TENM2: variants seen among roughly 807,000 people sequenced by gnomAD.
TENM2 encodes teneurin-2.
In TENM2, 52 loss-of-function variants were observed where a neutral mutation model predicts 245.2. The ratio of observed to expected loss-of-function variants is 0.21; its 90% confidence interval spans 0.17 to 0.27. The LOEUF (loss-of-function observed/expected upper bound fraction) is 0.27, where lower values mean the gene tolerates loss of function less well. TENM2 is among the 10% of genes least tolerant of loss of function. TENM2 has a pLI of 1.00. For missense variants in TENM2, 3,046 were observed against 3,666.8 expected, an observed-to-expected ratio of 0.83 and a Z score of 4.37; for synonymous variants, 1,363 against 1,438.9, an observed-to-expected ratio of 0.95 and a Z score of 1.19.
Position 167,445,628 on chromosome 5 carries a change from A to T in TENM2, c.502+70155A>T, listed in dbSNP as rs534143800. Among the ~76,000 whole-genome samples the T allele has an allele frequency of 3.9e-5, 6 of 152,260 alleles. No homozygotes were observed. The South Asian group carries it at 1.2e-3, about 32-fold the overall frequency. ...ACAATATCAGTCTCACCTATGAGAA[A>T]GCTAAAAGGTTGAGTCACAACCCTA... On this transcript the variant is annotated intron_variant, in intron 2 of 28. Coordinates refer to ENST00000518659, the Ensembl canonical transcript of TENM2.
intron 2 of TENM2, among the ~76,000 whole-genome samples, chr5:167,651,667 G>A (rs541433409): frequency 3.4e-4 from 52 of 152,278 alleles, no homozygotes; most frequent in African/African-American, 1.3e-3. Context: ...GGTAGAATGG[G>A]AATATCACTC....
At chr5:167,725,439 T>G (rs1221384103) in intron 2 of TENM2, among the ~76,000 whole-genome samples, 1 of 152,218 alleles carries the variant, frequency 6.6e-6, no homozygotes, top group African/African-American at 2.4e-5. Flanking sequence ...TGGCATATTT[T>G]TCTCCTAGCA....
At chr5:168,253,144 TTTTTA>T (rs1035943410) in intron 27 of TENM2, among the ~76,000 whole-genome samples, 11 of 151,912 alleles carry the variant, frequency 7.2e-5, no homozygotes, top group African/African-American at 2.7e-4. Flanking sequence ...TTTTTTTGTA[TTTTTA>T]GTAGAGATGG....
At chr5:167,677,753 TATG>T (rs1222765467) in intron 2 of TENM2, among the ~76,000 whole-genome samples, 11 of 149,288 alleles carry the variant, frequency 7.4e-5, no homozygotes, top group African/African-American at 2.7e-4. Flanking sequence ...TATATTTATA[TATG>T]ATAATTACAG....
intron 27 of TENM2, among the ~76,000 whole-genome samples, chr5:168,250,971 C>T (rs1371907217): frequency 1.1e-4 from 17 of 152,144 alleles, no homozygotes; most frequent in African/African-American, 2.4e-4. Context: ...GGATCACGGA[C>T]GGCCTTTCTG....
At chr5:167,013,786 C>T in the TENM2 span, among the ~76,000 whole-genome samples, 3 of 152,186 alleles carry the variant, frequency 2.0e-5, no homozygotes, top group Non-Finnish European at 4.4e-5. Flanking sequence ...GTAGGTTTGA[C>T]TATAATTTGG....
At chr5:167,402,948 A>T (rs1762439528) in intron 2 of TENM2, among the ~76,000 whole-genome samples, 1 of 152,120 alleles carries the variant, frequency 6.6e-6, no homozygotes, top group Non-Finnish European at 1.5e-5. Flanking sequence ...TGAGGGCCTT[A>T]TAAAAGAAGT....
At chr5:167,370,900 G>T (rs1477876614) in intron 1 of TENM2, among the ~76,000 whole-genome samples, 1 of 152,196 alleles carries the variant, frequency 6.6e-6, no homozygotes, top group African/African-American at 2.4e-5. Context: ...ATTCAAAGCT[G>T]CCACAGAGCT....
intron 2 of TENM2, among the ~76,000 whole-genome samples, chr5:167,426,073 A>G (rs1763800279): frequency 6.6e-6 from 1 of 152,104 alleles, no homozygotes; most frequent in African/African-American, 2.4e-5. Context: ...ATCGACTTCA[A>G]AATAAACCTA....
intron 1 of TENM2, among the ~76,000 whole-genome samples, chr5:167,313,245 A>G (rs1250377430): frequency 2.0e-5 from 3 of 152,044 alleles, no homozygotes; most frequent in Non-Finnish European, 4.4e-5. Context: ...CTTGGCATCT[A>G]TGTTCTTCAG....
chr5:167,908,305 C>G, intron 3 of TENM2, among the ~76,000 whole-genome samples: 1 of 144,004 alleles, frequency 6.9e-6, no homozygotes, highest in African/African-American at 2.6e-5. Flanking sequence ...ACCCTCCCTT[C>G]CCCTCGCTTC....
chr5:167,315,451 C>T (rs760806520), intron 1 of TENM2, among the ~76,000 whole-genome samples: 1 of 152,080 alleles, frequency 6.6e-6, no homozygotes, highest in Admixed American at 6.6e-5. Context: ...AGGTGCCCCA[C>T]ATATGATGCC....
At chr5:167,722,368 A>T in intron 2 of TENM2, among the ~76,000 whole-genome samples, 1 of 152,124 alleles carries the variant, frequency 6.6e-6, no homozygotes, top group East Asian at 1.9e-4. Flanking sequence ...TTTCCAAGAG[A>T]TAAGTAGGTA....
intron 1 of TENM2, among the ~76,000 whole-genome samples, chr5:167,363,730 C>CAAAAAAAAAAAAAA (rs10659741): frequency 3.4e-5 from 3 of 89,252 alleles, no homozygotes; most frequent in African/African-American, 1.3e-4. Context: ...GACTCCATCT[C>CAAAAAAAAAAAAAA]AAAAAAAAAA....
At chr5:167,909,228 C>T (rs1776357028) in intron 3 of TENM2, among the ~76,000 whole-genome samples, 1 of 152,034 alleles carries the variant, frequency 6.6e-6, no homozygotes, top group Non-Finnish European at 1.5e-5. Flanking sequence ...TTTACTTTCT[C>T]CTGTGTCCGA....
At chr5:167,212,338 TA>T in the TENM2 span, among the ~76,000 whole-genome samples, 2 of 152,094 alleles carry the variant, frequency 1.3e-5, no homozygotes, top group Non-Finnish European at 2.9e-5. Context: ...CCCTGTTCAT[TA>T]GTAGTCAAGG....
intron 1 of TENM2, among the ~76,000 whole-genome samples, chr5:167,327,174 G>A (rs111674540): frequency 1.3e-5 from 2 of 151,630 alleles, no homozygotes; most frequent in South Asian, 2.1e-4. Flanking sequence ...ATCCCTCCCC[G>A]CTCCCCGCAT....
At chr5:167,254,839 G>A in the TENM2 span, among the ~76,000 whole-genome samples, 1 of 152,070 alleles carries the variant, frequency 6.6e-6, no homozygotes, top group Non-Finnish European at 1.5e-5. Flanking sequence ...TCTGAGGACA[G>A]ACCCTTTTAG....
At chr5:167,586,150 G>A (rs1024510523) in intron 2 of TENM2, among the ~76,000 whole-genome samples, 7 of 133,890 alleles carry the variant, frequency 5.2e-5, no homozygotes, top group Admixed American at 1.6e-4. Context: ...GTAAGAGTAC[G>A]ATAATAAAAA....
Sources: allele counts gnomAD v4.1 joint callset (sites outside exome capture counted in the v4.1 genomes callset), GRCh38; gene constraint gnomAD v4.1.1; transcripts MANE v1.5; gene names NCBI Gene and HGNC (gene_info 2026-07-23, HGNC 2026-07-21).